SVOP: variants seen among roughly 807,000 people sequenced by gnomAD.
SVOP encodes the protein SV2 related protein, also known as synaptic vesicle 2-related protein.
Under a neutral mutation model 69.1 loss-of-function variants are expected in SVOP, and 17 were observed. The observed-to-expected ratio is 0.25, with a 90% CI of 0.17 to 0.37. SVOP has a LOEUF of 0.37. SVOP is among the 10% of genes least tolerant of loss of function. SVOP has a pLI of 1.00. For missense variants in SVOP, 435 were observed against 597.5 expected (o/e 0.73, Z 2.84); for synonymous variants, 238 against 238.6 (o/e 1.00, Z 0.02).
chr12:108,992,325 C>G (rs141925386), intron 1 of SVOP, among the ~76,000 whole-genome samples: 143,330 of 152,044 alleles, frequency 0.94, 68,167 homozygotes, highest in East Asian at 1. Context: ...AGGATCACTT[C>G]AGTCTAGGGG....
chr12:109,012,962 A>G (rs1272761017), intron 1 of SVOP, among the ~76,000 whole-genome samples: 3 of 152,240 alleles, frequency 2.0e-5, no homozygotes, highest in African/African-American at 7.2e-5. Context: ...GAAAATAGAC[A>G]TGAAGAAACA....
intron 1 of SVOP, among the ~76,000 whole-genome samples, chr12:108,991,785 A>AAC (rs780119859): frequency 4.5e-3 from 20 of 4,492 alleles, no homozygotes; most frequent in Non-Finnish European, 0.02. Flanking sequence ...AAAAAAAAAC[A>AAC]AAAAAAAAAG....
At chr12:108,987,047 A>G (rs1032488123) in intron 1 of SVOP, among the ~76,000 whole-genome samples, 44 of 152,208 alleles carry the variant, frequency 2.9e-4, no homozygotes, top group African/African-American at 1.0e-3. Context: ...TAAGTGTACA[A>G]TTCAGTGACA....
rs4964771 is a variant in SVOP at position 108,909,446 on chromosome 12, A to T, written c.*3089T>A. ...AGGGAGAATCGCTTGAACCTGGGAGACAGAGTTGCAGTGAGCTGAGACTTC... is the reference window on the plus strand; with the variant it reads ...AGGGAGAATCGCTTGAACCTGGGAGTCAGAGTTGCAGTGAGCTGAGACTTC... On this transcript the variant is annotated 3_prime_UTR_variant, in exon 16 of 16. Coordinates refer to ENST00000610966, the MANE Select transcript of SVOP (RefSeq NM_018711.5). The T allele has an allele frequency of 1.3e-5, 2 of 150,716 alleles. No individual in the cohort carries two copies. Among genetic ancestry groups the T allele is most frequent in the African/African-American group, 4.9e-5 (2 of 40,582 alleles). The allele number at this position is 150,716 out of a possible 1,614,324, so 9.3% of individuals were successfully genotyped here. A position where few individuals can be genotyped will look rare whatever the true frequency, so the allele number is the denominator to read the frequency against.
chr12:108,997,115 G>A (rs1181626071), intron 1 of SVOP, among the ~76,000 whole-genome samples: 3 of 152,142 alleles, frequency 2.0e-5, no homozygotes, highest in African/African-American at 4.8e-5. Context: ...CACCGTGCGC[G>A]AGCCGAAGCA....
chr12:108,914,671 C>T (rs2039702998), intron 15 of SVOP, among the ~76,000 whole-genome samples: 1 of 151,858 alleles, frequency 6.6e-6, no homozygotes, highest in Non-Finnish European at 1.5e-5. Context: ...TGGGTTCAAG[C>T]AATTTTTGTG....
At chr12:108,943,038 T>G (rs1041436099) in intron 7 of SVOP, among the ~76,000 whole-genome samples, 1 of 151,856 alleles carries the variant, frequency 6.6e-6, no homozygotes. Context: ...GGATTATAGG[T>G]GTGAGCCACT....
At chr12:108,939,010 A>T (rs576899218) in intron 8 of SVOP, 55 bp from the exon 9 acceptor site, 11 of 1,611,628 alleles carry the variant, frequency 6.8e-6, no homozygotes, top group Middle Eastern at 1.7e-4. Context: ...GGAACAGAGC[A>T]CTCGCTTCTA....
chr12:108,954,113 CAAAAAAA>C (rs760331681), intron 6 of SVOP, among the ~76,000 whole-genome samples: 1 of 61,992 alleles, frequency 1.6e-5, no homozygotes, highest in Admixed American at 1.9e-4. Context: ...GAATCTGTCT[CAAAAAAA>C]AAAAAAAAAA....
intron 8 of SVOP, among the ~76,000 whole-genome samples, 158 bp downstream of exon 8, chr12:108,940,626 G>A (rs2039884855): frequency 6.6e-6 from 1 of 152,096 alleles, no homozygotes; most frequent in Admixed American, 6.6e-5. Flanking sequence ...CCATACTGGG[G>A]CTACCCCAGG....
At chr12:108,987,133 A>G (rs1237710891) in intron 1 of SVOP, among the ~76,000 whole-genome samples, 1 of 152,174 alleles carries the variant, frequency 6.6e-6, no homozygotes, top group South Asian at 2.1e-4. Flanking sequence ...ACGAGCACCA[A>G]TCTACTTTCT....
intron 8 of SVOP, 48 bp downstream of exon 8, chr12:108,940,736 A>T: frequency 6.6e-7 from 1 of 1,525,668 alleles, no homozygotes; most frequent in East Asian, 2.5e-5. Flanking sequence ...TAGAGTGGAC[A>T]GTAAGATGTC....
chr12:108,916,821 C>T (rs1486132950), intron 14 of SVOP, among the ~76,000 whole-genome samples: 3 of 152,232 alleles, frequency 2.0e-5, no homozygotes, highest in Admixed American at 6.5e-5. Context: ...TGGCTCACTG[C>T]AGCCTCGACC....
intron 7 of SVOP, among the ~76,000 whole-genome samples, chr12:108,943,137 AC>A (rs1453844549): frequency 6.6e-6 from 1 of 152,122 alleles, no homozygotes; most frequent in Non-Finnish European, 1.5e-5. Flanking sequence ...CTCTACAACT[AC>A]AGTCCATTCC....
intron 1 of SVOP, among the ~76,000 whole-genome samples, chr12:108,985,356 T>TAAAAGG (rs1236074565): frequency 2.7e-5 from 4 of 148,582 alleles, no homozygotes; most frequent in South Asian, 4.3e-4. Context: ...AAAGAAAAAA[T>TAAAAGG]AAAAGGAAAA....
intron 1 of SVOP, among the ~76,000 whole-genome samples, chr12:108,988,389 T>A (rs1421421845): frequency 1.3e-5 from 2 of 152,198 alleles, no homozygotes; most frequent in Non-Finnish European, 2.9e-5. Context: ...CCATTTTGAG[T>A]TAATTTTTAT....
intron 12 of SVOP, among the ~76,000 whole-genome samples, chr12:108,922,411 G>C (rs1211271338): frequency 1.3e-5 from 2 of 152,138 alleles, no homozygotes; most frequent in African/African-American, 4.8e-5. Context: ...TACTACTCAA[G>C]CTGCTTGCTA....
Position 108,960,939 on chromosome 12 carries a change from C to T in SVOP, c.562G>A (p.Gly188Arg), listed in dbSNP as rs1244512149. Reference protein sequence around the residue: ...VLRGLVGFGIGGVPQSVTLYA... With the variant: ...VLRGLVGFGIRGVPQSVTLYA... ...TTTACTTACGACTGGGGAACTCCTC[C>T]GATCCCGAAGCCCACCAGGCCCCGG... The change falls in exon 6 of 16, where the codon GGA becomes AGA. Residue 188 changes from glycine (G) to arginine (R), a missense_variant. Coordinates refer to ENST00000610966, the MANE Select transcript of SVOP (RefSeq NM_018711.5). The T allele has an allele frequency of 1.3e-6, 2 of 1,537,030 alleles. No homozygotes were observed. The highest frequency in any genetic ancestry group is 1.7e-6 in the Non-Finnish European group (2 of 1,146,814).
intron 1 of SVOP, among the ~76,000 whole-genome samples, chr12:109,004,683 A>C (rs1593207205): frequency 6.6e-6 from 1 of 151,048 alleles, no homozygotes; most frequent in East Asian, 2.0e-4. Context: ...GTTAGCCACC[A>C]TGCCCGGCCT....
Sources: gnomAD v4.1 joint callset for allele counts (sites outside exome capture counted in the v4.1 genomes callset) on GRCh38, gnomAD v4.1.1 for gene constraint, MANE v1.5 for transcripts, NCBI Gene and HGNC (gene_info 2026-07-23, HGNC 2026-07-21) for gene names.